Variants in WDFY3 observed in about 807,000 individuals in gnomAD.
WDFY3 encodes WD repeat and FYVE domain containing 3.
WDFY3 carries 66 observed loss-of-function variants against 409.6 expected under a neutral mutation model. The ratio of observed to expected loss-of-function variants is 0.16; its 90% CI spans 0.13 to 0.20. WDFY3 has a LOEUF of 0.20. Ranked by LOEUF, WDFY3 falls within the 10% of genes least tolerant of loss-of-function variation. The pLI, the probability that WDFY3 is intolerant of heterozygous loss-of-function variation, is 1.00. For synonymous variants in WDFY3, 1,521 were observed against 1,537.1 expected (o/e 0.99, Z 0.25); for missense variants, 3,031 against 4,298.1 (o/e 0.71, Z 8.24).
chr4:84,815,122 G>C (rs1022155599), intron 13 of WDFY3, among the ~76,000 whole-genome samples: 37 of 152,130 alleles, frequency 2.4e-4, no homozygotes, highest in African/African-American at 8.7e-4. Flanking sequence ...CTACAGGTGA[G>C]AGTACTAGTA....
At chr4:84,947,776 G>GGGGCTTAAGGA (rs1476008908) in intron 1 of WDFY3, among the ~76,000 whole-genome samples, 1 of 150,492 alleles carries the variant, frequency 6.6e-6, no homozygotes, top group African/African-American at 2.4e-5. Context: ...CAGCTACTCA[G>GGGGCTTAAGGA]GGGCTTAAGG....
At position 84,684,067 on chromosome 4, in the gene WDFY3, G is replaced by A; in HGVS notation, c.9602C>T (p.Pro3201Leu). The A allele has an allele frequency of 6.2e-7, 1 of 1,612,848 alleles. No individual in the cohort carries two copies. Among genetic ancestry groups the A allele is most frequent in the Non-Finnish European group, 8.5e-7 (1 of 1,178,980 alleles). ...YIHVWSINGNPIVSVNTFTGR... is the reference protein window; with the variant it reads ...YIHVWSINGNLIVSVNTFTGR... ...TGTGAACGTGTTGACACTCACGATA[G>A]GGTTCCCATTGATGCTCCACACATG... is the stretch of plus-strand genomic sequence containing the variant. Residue 3201 changes from proline to leucine, a missense_variant, in exon 63 of 68, where the codon CCT becomes CTT. Pro to Leu is a moderately conservative substitution (Grantham distance 98). Transcript: ENST00000295888.
chr4:84,953,521 C>T (rs1302443017), intron 1 of WDFY3, among the ~76,000 whole-genome samples: 1 of 151,968 alleles, frequency 6.6e-6, no homozygotes, highest in Non-Finnish European at 1.5e-5. Context: ...TATCTCATAA[C>T]ATCATGTGAA....
intron 26 of WDFY3, among the ~76,000 whole-genome samples, chr4:84,779,112 T>C (rs908656380): frequency 6.6e-6 from 1 of 152,204 alleles, no homozygotes; most frequent in African/African-American, 2.4e-5. Flanking sequence ...AATGATAGTC[T>C]ATGGAATGCT....
At chr4:84,861,948 G>A (rs1760703527) in intron 3 of WDFY3, among the ~76,000 whole-genome samples, 1 of 152,160 alleles carries the variant, frequency 6.6e-6, no homozygotes, top group African/African-American at 2.4e-5. Context: ...TGGATGAAGG[G>A]CCATTTACTT....
chr4:84,732,027 G>T (rs1289999788), intron 44 of WDFY3, among the ~76,000 whole-genome samples: 3 of 152,140 alleles, frequency 2.0e-5, no homozygotes, highest in Non-Finnish European at 4.4e-5. Context: ...TTGTTGCTTT[G>T]CTCTTATAAA....
rs1729095648 is a variant in WDFY3, at chr4:84,690,592, C to A, written c.9277G>T (p.Val3093Phe). 1 of 1,614,138 alleles carries A rather than the reference C, an allele frequency of 6.2e-7. No individual in the cohort carries two copies. The highest frequency in any genetic ancestry group is 8.5e-7 in the Non-Finnish European group (1 of 1,180,040). The change falls in exon 61 of 68, where the codon GTC (valine) becomes TTC (phenylalanine). Residue 3093 changes from valine to phenylalanine, a missense_variant. Val to Phe is a conservative substitution (Grantham distance 50, BLOSUM62 -1). Transcript: ENST00000295888. ...LCAICPNPKL[V>F]ITGGTSTVVC... ...ACCGTGCTTGTTCCACCCGTGATGA[C>A]CAGCTTGGGGTTGGGGCAGATTGCA...
chr4:84,960,456 T>C (rs189908980), intron 1 of WDFY3, among the ~76,000 whole-genome samples: 86 of 152,326 alleles, frequency 5.6e-4, no homozygotes, highest in African/African-American at 1.9e-3. Flanking sequence ...CCTTGAATAC[T>C]ACATGCACAA....
At chr4:84,709,814 C>T (rs1732581630) in intron 51 of WDFY3, among the ~76,000 whole-genome samples, 1 of 152,208 alleles carries the variant, frequency 6.6e-6, no homozygotes, top group Non-Finnish European at 1.5e-5. Flanking sequence ...GCAGCCTCTA[C>T]CTCCTGGGTT....
At chr4:84,783,167 T>A (rs1461173973) in intron 24 of WDFY3, 93 bp from the exon 25 acceptor site, 1 of 1,130,504 alleles carries the variant, frequency 8.8e-7, no homozygotes, top group Non-Finnish European at 1.3e-6. Flanking sequence ...TGGTAACATA[T>A]CTTTTCTCTC....
intron 44 of WDFY3, among the ~76,000 whole-genome samples, chr4:84,730,047 T>C (rs1172450443): frequency 1.3e-5 from 2 of 152,186 alleles, no homozygotes; most frequent in East Asian, 3.9e-4. Context: ...TATTTTTTAA[T>C]ATAGATCAGG....
In WDFY3 at chr4:84,755,217, C is replaced by T. The variant is rs779225559; in HGVS notation, c.5559+49G>A. On this transcript the variant is annotated intron_variant, in intron 34 of 67. Transcript: ENST00000295888. Reference sequence around the variant, plus strand: ...AATTCCTCTATTTACAAAAAAGTATCCTAGGCAGGAGGAATTCTCAATAGG... The same window carrying T: ...AATTCCTCTATTTACAAAAAAGTATTCTAGGCAGGAGGAATTCTCAATAGG... 18 of 1,588,730 alleles carry T rather than the reference C, an allele frequency of 1.1e-5. No individual in the cohort carries two copies. In the East Asian group the frequency reaches 4.0e-4, roughly 36 times the overall value.
intron 4 of WDFY3, among the ~76,000 whole-genome samples, chr4:84,856,412 A>T (rs913100567): frequency 1.3e-5 from 2 of 152,200 alleles, no homozygotes; most frequent in Admixed American, 6.5e-5. Flanking sequence ...ACTCATTTTG[A>T]GTAAGTTTAA....
At chr4:84,704,483 A>G in intron 54 of WDFY3, 39 bp from the exon 55 acceptor site, 1 of 1,465,274 alleles carries the variant, frequency 6.8e-7, no homozygotes, top group Non-Finnish European at 9.4e-7. Context: ...AACCAAAAGA[A>G]GAAATATGAA....
chr4:84,965,903 T>TTCCGC (rs1554034708), intron 1 of WDFY3: 16 of 152,480 alleles, frequency 1.0e-4, no homozygotes, highest in Admixed American at 2.6e-4. Context: ...AATATCCCGG[T>TTCCGC]TCCGCTCCGC....
intron 1 of WDFY3, among the ~76,000 whole-genome samples, chr4:84,959,619 G>A (rs1774668653): frequency 6.6e-6 from 1 of 152,292 alleles, no homozygotes; most frequent in South Asian, 2.1e-4. Flanking sequence ...CAGAACAGGT[G>A]CTAACAGCAT....
chr4:84,673,459 A>T (rs1376520927), intron 67 of WDFY3, among the ~76,000 whole-genome samples: 1 of 152,006 alleles, frequency 6.6e-6, no homozygotes, highest in Non-Finnish European at 1.5e-5. Flanking sequence ...ATTACTAATG[A>T]CTCATTAGTG....
intron 7 of WDFY3, among the ~76,000 whole-genome samples, chr4:84,836,696 G>A (rs1432398878): frequency 2.6e-5 from 4 of 151,956 alleles, no homozygotes; most frequent in Non-Finnish European, 4.4e-5. Context: ...TCAATGGCTG[G>A]ATCTGTTCAG....
chr4:84,840,912 A>AT (rs1485689645), intron 6 of WDFY3, among the ~76,000 whole-genome samples: 7 of 152,088 alleles, frequency 4.6e-5, no homozygotes, highest in Non-Finnish European at 8.8e-5. Context: ...GTGTTACAAC[A>AT]TATCGAGATG....
Sources: gnomAD v4.1 joint callset for allele counts (sites outside exome capture counted in the v4.1 genomes callset) on GRCh38, gnomAD v4.1.1 for gene constraint, MANE v1.5 for transcripts, NCBI Gene and HGNC (gene_info 2026-07-23, HGNC 2026-07-21) for gene names.